The following SEC22A variants were observed in gnomAD, a reference collection of about 807,000 sequenced individuals.
The protein encoded by SEC22A is SEC22 homolog A, vesicle trafficking protein.
A neutral mutation model predicts 35.3 loss-of-function variants in SEC22A; 22 were observed. The observed-to-expected ratio is 0.62, with a 90% CI of 0.45 to 0.89. SEC22A has a LOEUF of 0.89. Among genes scored for constraint, SEC22A ranks in the 40% least tolerant of loss-of-function variants. SEC22A has a pLI of 0.00. For missense variants in SEC22A, 354 were observed against 362.5 expected (o/e 0.98, Z 0.19); for synonymous variants, 119 against 129.5 (o/e 0.92, Z 0.55).
chr3:123,208,788 A>T, intron 1 of SEC22A: 1 of 182,772 alleles, frequency 5.5e-6, no homozygotes, highest in South Asian at 1.1e-4. Context: ...TGTTTTAATT[A>T]GTTTTTTGTT....
chr3:123,223,252 G>T (rs1937160421), intron 2 of SEC22A, among the ~76,000 whole-genome samples: 1 of 152,166 alleles, frequency 6.6e-6, no homozygotes, highest in Non-Finnish European at 1.5e-5. Flanking sequence ...TAAGCTATCT[G>T]TAATACTTAC....
chr3:123,269,530 C>T (rs1432652531), intron 6 of SEC22A, among the ~76,000 whole-genome samples: 1 of 151,924 alleles, frequency 6.6e-6, no homozygotes, highest in African/African-American at 2.4e-5. Context: ...TGTATAACCT[C>T]ATTTCAATCT....
rs897319508 is a variant in SEC22A, at chr3:123,273,895, C to T, written c.*2173C>T. 1.3e-5 allele frequency: 2 copies of T among 152,022 alleles called. No individual in the cohort carries two copies. Among genetic ancestry groups the T allele is most frequent in the Non-Finnish European group, 2.9e-5 (2 of 68,016 alleles). The allele number at this position is 152,022 out of a possible 1,614,324, so 9.4% of individuals were successfully genotyped here. On this transcript the variant is annotated 3_prime_UTR_variant, in exon 7 of 7. Coordinates refer to ENST00000492595, the MANE Select transcript of SEC22A (RefSeq NM_012430.5). ...GGAGCATTCTGGTTGAGATTTTGCT[C>T]TGTATTGACACAGCTCGCACCAGTT...
At chr3:123,248,758 G>A (rs925283062) in intron 5 of SEC22A, among the ~76,000 whole-genome samples, 3 of 152,176 alleles carry the variant, frequency 2.0e-5, no homozygotes, top group African/African-American at 7.2e-5. Flanking sequence ...GCAAGGATGC[G>A]TTGTATAGGG....
chr3:123,202,670 C>T (rs1559748443), intron 1 of SEC22A, among the ~76,000 whole-genome samples: 1 of 152,152 alleles, frequency 6.6e-6, no homozygotes, highest in Non-Finnish European at 1.5e-5. Context: ...GTGAAGACAG[C>T]TTAAGATAAT....
chr3:123,208,065 C>A (rs960562964), intron 1 of SEC22A, among the ~76,000 whole-genome samples: 1 of 152,036 alleles, frequency 6.6e-6, no homozygotes, highest in African/African-American at 2.4e-5. Flanking sequence ...TTTCTGCATC[C>A]GTTTTTCAAT....
At chr3:123,216,413 A>G (rs1202724917) in intron 2 of SEC22A, among the ~76,000 whole-genome samples, 5 of 152,192 alleles carry the variant, frequency 3.3e-5, no homozygotes, top group Non-Finnish European at 5.9e-5. Context: ...TCATGGTGTA[A>G]TTACCATTGA....
chr3:123,232,762 A>G (rs1008280803), intron 4 of SEC22A, among the ~76,000 whole-genome samples: 4 of 152,170 alleles, frequency 2.6e-5, no homozygotes, highest in Non-Finnish European at 5.9e-5. Context: ...AGAAAGTAAA[A>G]TGCAGACCAA....
At chr3:123,246,779 A>G (rs1158750158) in intron 5 of SEC22A, among the ~76,000 whole-genome samples, 1 of 152,102 alleles carries the variant, frequency 6.6e-6, no homozygotes, top group Non-Finnish European at 1.5e-5. Context: ...ATTATGAATC[A>G]GTCCTCTTTT....
At chr3:123,257,442 A>G (rs1288886093) in intron 5 of SEC22A, among the ~76,000 whole-genome samples, 1 of 152,164 alleles carries the variant, frequency 6.6e-6, no homozygotes, top group Non-Finnish European at 1.5e-5. Context: ...CACGCCTGTA[A>G]TCCCAGCACT....
At chr3:123,232,994 A>G (rs1684614912) in intron 4 of SEC22A, among the ~76,000 whole-genome samples, 1 of 152,050 alleles carries the variant, frequency 6.6e-6, no homozygotes, top group South Asian at 2.1e-4. Flanking sequence ...AATTAGCGTG[A>G]TGGTATGCAT....
At chr3:123,219,581 C>T (rs1245647583) in intron 2 of SEC22A, among the ~76,000 whole-genome samples, 1 of 152,104 alleles carries the variant, frequency 6.6e-6, no homozygotes, top group Admixed American at 6.5e-5. Context: ...ATAATAGTGC[C>T]CCTTTATTGA....
intron 4 of SEC22A, among the ~76,000 whole-genome samples, chr3:123,238,441 C>T (rs1341917015): frequency 6.6e-6 from 1 of 152,130 alleles, no homozygotes; most frequent in African/African-American, 2.4e-5. Context: ...CGTGATCTGC[C>T]CACTTTGGCC....
intron 4 of SEC22A, among the ~76,000 whole-genome samples, chr3:123,232,764 G>T (rs1031772604): frequency 7.2e-5 from 11 of 152,102 alleles, no homozygotes; most frequent in Non-Finnish European, 1.3e-4. Flanking sequence ...AAAGTAAAAT[G>T]CAGACCAATA....
intron 2 of SEC22A, among the ~76,000 whole-genome samples, chr3:123,219,791 C>A (rs1169821889): frequency 6.6e-6 from 1 of 152,124 alleles, no homozygotes; most frequent in Non-Finnish European, 1.5e-5. Context: ...AACTGGCATG[C>A]CTGTAATGAC....
intron 2 of SEC22A, among the ~76,000 whole-genome samples, chr3:123,216,400 C>T (rs1937024087): frequency 1.3e-5 from 2 of 152,176 alleles, no homozygotes; most frequent in South Asian, 4.1e-4. Flanking sequence ...TTATCCAAGT[C>T]TCTCATGGTG....
chr3:123,269,297 C>G (rs139523715), intron 6 of SEC22A, among the ~76,000 whole-genome samples: 1 of 151,352 alleles, frequency 6.6e-6, no homozygotes, highest in Non-Finnish European at 1.5e-5. Flanking sequence ...AATATAAAAT[C>G]ACCATTAAGC....
Position 123,223,600 on chromosome 3 carries a change from C to G in SEC22A, c.224C>G (p.Thr75Ser). 6.2e-7 allele frequency: 1 copy of G among 1,613,720 alleles called. No individual in the cohort carries two copies. The highest frequency in any genetic ancestry group is 1.1e-5 in the South Asian group (1 of 91,066). ...GGAGTGAGCTACATGATGTTGTGCACTGAAAATTACCCAAATGTTCTCGCC... is the reference window on the plus strand; with the variant it reads ...GGAGTGAGCTACATGATGTTGTGCAGTGAAAATTACCCAAATGTTCTCGCC... The part of the protein sequence containing the change: ...SLGVSYMMLC[T>S]ENYPNVLAFS... Residue 75 changes from threonine to serine, a missense_variant, in exon 3 of 7, where the codon ACT (threonine) becomes AGT (serine). Transcript: ENST00000492595.
intron 4 of SEC22A, among the ~76,000 whole-genome samples, chr3:123,239,070 G>T (rs2108068624): frequency 6.6e-6 from 1 of 152,154 alleles, no homozygotes; most frequent in African/African-American, 2.4e-5. Context: ...GTTTAAGGGA[G>T]ATTTACGTAT....
Sources: allele counts gnomAD v4.1 joint callset (sites outside exome capture counted in the v4.1 genomes callset), GRCh38; gene constraint gnomAD v4.1.1; transcripts MANE v1.5; gene names NCBI Gene and HGNC (gene_info 2026-07-23, HGNC 2026-07-21).